PCDHA4: variants seen among roughly 807,000 people sequenced by gnomAD.
PCDHA4 encodes the protein protocadherin alpha 4.
PCDHA4 carries 49 observed loss-of-function variants against 61.4 expected under a neutral mutation model. The observed-to-expected ratio is 0.80, with a 90% CI of 0.63 to 1.01. The LOEUF is 1.01. Among genes scored for constraint, PCDHA4 ranks in the 50% least tolerant of loss-of-function variants. The pLI, the probability that PCDHA4 is intolerant of heterozygous loss-of-function variation, is 0.00. For missense variants in PCDHA4, 1,254 were observed against 1,235.8 expected (o/e 1.01, Z -0.22); for synonymous variants, 590 against 550.3 (o/e 1.07, Z -1.01).
In PCDHA4 at chr5:140,858,199, T is replaced by C. The variant is rs142593526; in HGVS notation, c.2385+48627T>C. The C allele has an allele frequency of 1.4e-4, 227 of 1,596,922 alleles. 11 individuals carry two copies. The African/African-American group carries it at 2.3e-3, about 16-fold the overall frequency. On this transcript the variant is annotated intron_variant, in intron 1 of 3. Coordinates refer to ENST00000530339, the MANE Select transcript of PCDHA4 (RefSeq NM_018907.4). ...TGGTGCTCACGCTGCTGCTGTACAC[T>C]GCACTGAGGTGCTCGGCGGCGCCCA...
chr5:140,842,525 A>G, intron 1 of PCDHA4: 1 of 1,613,292 alleles, frequency 6.2e-7, no homozygotes, highest in Non-Finnish European at 8.5e-7. Flanking sequence ...GTCCACCTTC[A>G]AGAATTACTA....
intron 1 of PCDHA4, among the ~76,000 whole-genome samples, chr5:140,903,649 T>C (rs1335268583): frequency 6.6e-6 from 1 of 152,236 alleles, no homozygotes; most frequent in Non-Finnish European, 1.5e-5. Context: ...CATATACATA[T>C]ATTATAAATT....
chr5:140,981,969 T>C (rs1438723039), intron 2 of PCDHA4, among the ~76,000 whole-genome samples: 1 of 152,146 alleles, frequency 6.6e-6, no homozygotes, highest in African/African-American at 2.4e-5. Context: ...ATAAAAGATA[T>C]AGAAAGAGTA....
rs145763112 is a variant in PCDHA4, at chr5:140,835,616, C to A, written c.2385+26044C>A. The A allele has an allele frequency of 2.0e-5, 32 of 1,613,766 alleles. No homozygotes were observed. The highest frequency in any genetic ancestry group is 8.3e-5 in the Admixed American group (5 of 59,990). On this transcript the variant is annotated intron_variant, in intron 1 of 3. Transcript: ENST00000530339. ...ATTACTATTCATTGGTGCTGGACAGCGCTCTGGACCGCGAGAGTGTGTCCG... is the reference window on the plus strand; with the variant it reads ...ATTACTATTCATTGGTGCTGGACAGAGCTCTGGACCGCGAGAGTGTGTCCG...
At chr5:140,858,338 A>G (rs1323713253) in intron 1 of PCDHA4, 2 of 1,595,638 alleles carry the variant, frequency 1.3e-6, no homozygotes, top group African/African-American at 2.7e-5. Context: ...GGGCCTGCCC[A>G]AGGCGGACCT....
chr5:140,884,491 C>G, intron 1 of PCDHA4: 1 of 1,614,052 alleles, frequency 6.2e-7, no homozygotes, highest in East Asian at 2.2e-5. Flanking sequence ...CTCTAGTGTG[C>G]TCCAGCGCGG....
At chr5:140,825,666 C>T (rs1209779806) in intron 1 of PCDHA4, 2 of 152,100 alleles carry the variant, frequency 1.3e-5, no homozygotes, top group Non-Finnish European at 2.9e-5. Context: ...AGGTGATTTA[C>T]CCGCCTCGGC....
chr5:140,830,174 G>C, intron 1 of PCDHA4: 1 of 1,613,632 alleles, frequency 6.2e-7, no homozygotes, highest in Non-Finnish European at 8.5e-7. Flanking sequence ...GGCGCTGGTG[G>C]ATGTCAACGT....
chr5:140,890,043 G>GT (rs1255415089), intron 1 of PCDHA4, among the ~76,000 whole-genome samples: 1 of 152,192 alleles, frequency 6.6e-6, no homozygotes, highest in Non-Finnish European at 1.5e-5. Context: ...ACTGTAGTGT[G>GT]TTGGAGCTGG....
intron 1 of PCDHA4, chr5:140,829,335 G>A: frequency 6.2e-7 from 1 of 1,614,232 alleles, no homozygotes. Flanking sequence ...GCCCTGGACC[G>A]CGAGAGCGTG....
intron 1 of PCDHA4, among the ~76,000 whole-genome samples, chr5:140,820,375 T>C (rs1766742751): frequency 1.3e-5 from 2 of 152,006 alleles, no homozygotes; most frequent in South Asian, 2.1e-4. Context: ...CATTTTCTGG[T>C]AATTTCTTTT....
rs114741049 is a variant in PCDHA4, at chr5:140,830,663, G to C, written c.2385+21091G>C. ...TGCTTCTTTAATATTCATAATTTAAGTGAAATTAGAAATCACTGTCCACAA... is the reference window on the plus strand; with the variant it reads ...TGCTTCTTTAATATTCATAATTTAACTGAAATTAGAAATCACTGTCCACAA... On this transcript the variant is annotated intron_variant, in intron 1 of 3. Coordinates refer to ENST00000530339, the MANE Select transcript of PCDHA4 (RefSeq NM_018907.4). 2.0e-3 allele frequency: 827 copies of C among 406,220 alleles called. 12 individuals are homozygous for C. Among genetic ancestry groups the C allele is most frequent in the African/African-American group, 0.016 (756 of 47,898 alleles). 25.2% of individuals were successfully genotyped at this position (406,220 alleles called of 1,614,324 possible). A position where few individuals can be genotyped will look rare whatever the true frequency, so the allele number is the denominator to read the frequency against.
intron 1 of PCDHA4, among the ~76,000 whole-genome samples, chr5:140,964,670 G>A (rs2095847592): frequency 6.6e-6 from 1 of 151,912 alleles, no homozygotes; most frequent in Non-Finnish European, 1.5e-5. Context: ...CACAGGCCAG[G>A]TCCACAATTT....
At chr5:140,947,530 CAATTTCTACAAAG>C (rs2094141786) in intron 1 of PCDHA4, among the ~76,000 whole-genome samples, 1 of 151,588 alleles carries the variant, frequency 6.6e-6, no homozygotes, top group African/African-American at 2.4e-5. Flanking sequence ...ATCAACTTTT[CAATTTCTACAAAG>C]AATTCCGCTG....
intron 1 of PCDHA4, chr5:140,870,960 C>A: frequency 6.2e-7 from 1 of 1,613,670 alleles, no homozygotes. Flanking sequence ...GCTCGCGCAT[C>A]CCGTTCCGCG....
chr5:140,829,268 G>A (rs1194699670), intron 1 of PCDHA4: 17 of 1,614,092 alleles, frequency 1.1e-5, no homozygotes, highest in Non-Finnish European at 1.2e-5. Flanking sequence ...GACGCCTCAC[G>A]TCCCTTTCAA....
intron 1 of PCDHA4, among the ~76,000 whole-genome samples, chr5:140,838,089 T>G (rs1418087315): frequency 1.6e-5 from 2 of 121,978 alleles, no homozygotes; most frequent in African/African-American, 6.2e-5. Context: ...TGTGTGTGTG[T>G]GTGTGTGTGT....
At chr5:140,884,254 G>A (rs1554181387) in intron 1 of PCDHA4, 2 of 1,613,406 alleles carry the variant, frequency 1.2e-6, no homozygotes, top group Admixed American at 1.7e-5. Flanking sequence ...TGACGGCCAC[G>A]GCAACGGTGC....
At chr5:140,926,899 G>A (rs1554203765) in intron 1 of PCDHA4, 2 of 1,552,028 alleles carry the variant, frequency 1.3e-6, no homozygotes, top group Non-Finnish European at 1.7e-6. Context: ...GAGGATGGTG[G>A]GCTGTGGGGT....
Sources: allele counts gnomAD v4.1 joint callset (sites outside exome capture counted in the v4.1 genomes callset), GRCh38; gene constraint gnomAD v4.1.1; transcripts MANE v1.5; gene names NCBI Gene and HGNC (gene_info 2026-07-23, HGNC 2026-07-21).